The following SHOX variants were observed in gnomAD, a reference collection of about 807,000 sequenced individuals.
The protein encoded by SHOX is SHOX homeobox, also known as short stature homeobox protein.
Under a neutral mutation model 29.6 loss-of-function variants are expected in SHOX, and 12 were observed. That is an observed-to-expected ratio of 0.41 (90% CI 0.26 to 0.66). SHOX has a LOEUF of 0.66. Ranked by LOEUF, SHOX falls within the 30% of genes least tolerant of loss-of-function variation. The pLI is 0.35. For synonymous variants in SHOX, 214 were observed against 200.6 expected, an observed-to-expected ratio of 1.07 and a Z score of -0.57; for missense variants, 499 against 437.7, an observed-to-expected ratio of 1.14 and a Z score of -1.25.
Position 625,734 on chromosome X carries a change from C to T in SHOX, c.-433+1132C>T, listed in dbSNP as rs777750599. On this transcript the variant is annotated intron_variant, in intron 1 of 5. Transcript: ENST00000334060. ...ATCTCTGTCTCTCTCTCTCCTCTCT[C>T]TCTGTCTCTTTTTCTCTGTCTCTGT... 3.3e-4 allele frequency among the ~76,000 whole-genome samples: 49 copies of T among 148,218 alleles called. 2 individuals carry two copies. Among genetic ancestry groups the T allele is most frequent in the Admixed American group, 3.3e-3 (49 of 14,880 alleles).
At chrX:633,588 A>C (rs909513602) in intron 1 of SHOX, among the ~76,000 whole-genome samples, 4 of 152,080 alleles carry the variant, frequency 2.6e-5, no homozygotes, top group Non-Finnish European at 4.4e-5. Flanking sequence ...CAGCTTTGCA[A>C]GCTTCTTGGT....
rs1447553695 is a variant in SHOX, at chrX:644,449, A to C, written c.692A>C (p.His231Pro). The C allele has an allele frequency of 2.6e-6, 4 of 1,522,154 alleles. No homozygotes were observed. The highest frequency in any genetic ancestry group is 1.4e-5 in the African/African-American group (1 of 70,190). 94.3% of individuals were successfully genotyped at this position (1,522,154 alleles called of 1,614,324 possible). ...CACGCGCACCCGCACCTGCACCCGCACCTGGCGGCGCACGCGCCCTACCTG... is the reference window on the plus strand; with the variant it reads ...CACGCGCACCCGCACCTGCACCCGCCCCTGGCGGCGCACGCGCCCTACCTG... The part of the protein sequence containing the change: ...VAHAHPHLHP[H>P]LAAHAPYLMF... The change falls in exon 5 of 5, where the codon CAC (histidine) becomes CCC (proline). Residue 231 changes from histidine (H) to proline (P), a missense_variant. Coordinates refer to ENST00000686671, the MANE Select transcript of SHOX (RefSeq NM_000451.4).
intron 4 of SHOX, among the ~76,000 whole-genome samples, chrX:643,556 ACCCGGGAGAGGCTTGGGGACCTGGTGT>A (rs1229269250): frequency 5.5e-5 from 4 of 72,794 alleles, no homozygotes; most frequent in Non-Finnish European, 7.7e-5. Context: ...GGACCTAGTG[ACCCGGGAGAGGCTTGGGGACCTGGTGT>A]CCCGGGAGAG....
In SHOX at chrX:649,132, G is replaced by T. The variant is rs1335145654; in HGVS notation, c.*4496G>T. 6.6e-6 allele frequency among the ~76,000 whole-genome samples: 1 copy of T among 151,688 alleles called. No homozygotes were observed. The highest frequency in any genetic ancestry group is 1.5e-5 in the Non-Finnish European group (1 of 67,966). ...AGCTCACTGCATCCTCTACCTCCTG[G>T]CTTCAAGAAATTCTCCTGCCTCAGC... On this transcript the variant is annotated 3_prime_UTR_variant, in exon 5 of 5. Transcript: ENST00000686671.
Position 631,089 on chromosome X carries a change from C to T in SHOX, c.192C>T (p.Gly64=). 1 of 1,613,750 alleles carries T rather than the reference C, an allele frequency of 6.2e-7. No individual in the cohort carries two copies. Among genetic ancestry groups the T allele is most frequent in the Non-Finnish European group, 8.5e-7 (1 of 1,179,858 alleles). ...SSLQDITEGG[G]HCPVHLFKDH... Reference sequence around the variant, plus strand: ...TCCAGGACATCACGGAGGGCGGCGGCCACTGCCCGGTGCATTTGTTCAAGG... The same window carrying T: ...TCCAGGACATCACGGAGGGCGGCGGTCACTGCCCGGTGCATTTGTTCAAGG... The change falls in exon 1 of 5, where the codon GGC becomes GGT. Residue 64 remains glycine (G), a synonymous_variant. Transcript: ENST00000686671.
At chrX:630,309 C>A (rs1465684873), upstream of SHOX, among the ~76,000 whole-genome samples, 5 of 16,776 alleles carry the variant, frequency 3.0e-4, no homozygotes, top group Admixed American at 2.4e-3. Flanking sequence ...GCGCCCGGAT[C>A]CCCCCCTCGC....
Position 644,563 on chromosome X carries a change from G to T in SHOX, c.806G>T (p.Ser269Ile), listed in dbSNP as rs1282959443. 1.3e-6 allele frequency: 2 copies of T among 1,517,712 alleles called. No homozygotes were observed. The highest frequency in any genetic ancestry group is 1.8e-6 in the Non-Finnish European group (2 of 1,139,514). The allele number at this position is 1,517,712 out of a possible 1,614,324, so 94.0% of individuals were successfully genotyped here. A position where few individuals can be genotyped will look rare whatever the true frequency, so the allele number is the denominator to read the frequency against. ...GCCGTGGTCGCCGCCGCCGCCAAAAGCAACAGCAAGAATTCCAGCATCGCC... is the reference window on the plus strand; with the variant it reads ...GCCGTGGTCGCCGCCGCCGCCAAAATCAACAGCAAGAATTCCAGCATCGCC... ...AAAVVAAAAKSNSKNSSIADL... is the reference protein window; with the variant it reads ...AAAVVAAAAKINSKNSSIADL... The change falls in exon 5 of 5, where the codon AGC becomes ATC. Residue 269 changes from serine (S) to isoleucine (I), a missense_variant. Physicochemically the swap from Ser to Ile is moderately radical, Grantham distance 142. Coordinates refer to ENST00000686671, the MANE Select transcript of SHOX (RefSeq NM_000451.4).
At chrX:658,630 C>T (rs1171193442) in intron 5 of SHOX, among the ~76,000 whole-genome samples, 1 of 151,612 alleles carries the variant, frequency 6.6e-6, no homozygotes, top group African/African-American at 2.4e-5. Context: ...GCCACCGCGC[C>T]CGGCTAATTT....
At chrX:628,255 C>A (rs1319349429), upstream of SHOX, among the ~76,000 whole-genome samples, 4 of 103,172 alleles carry the variant, frequency 3.9e-5, no homozygotes, top group Non-Finnish European at 8.3e-5. Context: ...CAGTCTCTCC[C>A]TTTCTCTCTC....
At chrX:626,446 T>C (rs2052536610), upstream of SHOX, among the ~76,000 whole-genome samples, 1 of 129,752 alleles carries the variant, frequency 7.7e-6, no homozygotes, top group South Asian at 2.4e-4. Context: ...TCTCTCTTTT[T>C]CTCTTTCTCT....
rs753480876 is a variant in SHOX at position 640,893 on chromosome X, TG to T, written c.544+21del. On this transcript the variant is annotated intron_variant, in intron 3 of 4. Coordinates refer to ENST00000686671, the MANE Select transcript of SHOX (RefSeq NM_000451.4). ...GATGCATAAAGGTGGGTGTCGGGAC[TG>T]GGGGGACCTGAAGCTGGGGGATCCT... The T allele has an allele frequency of 8.1e-6, 13 of 1,613,678 alleles. No homozygotes were observed. Among genetic ancestry groups the T allele is most frequent in the Admixed American group, 1.7e-5 (1 of 59,978 alleles).
chrX:644,650 C>T lies in SHOX; in HGVS notation c.*14C>T, dbSNP rs1015656862. ...CTGGGGCTCTGACCCGCCGCGCAGC[C>T]CCCCGCGCGCCCGGACTCCCGGGCT... On this transcript the variant is annotated 3_prime_UTR_variant, in exon 5 of 5. Transcript: ENST00000686671. The T allele has an allele frequency of 1.9e-5, 28 of 1,442,966 alleles. No homozygotes were observed. The highest frequency in any genetic ancestry group is 2.8e-5 in the South Asian group (2 of 71,452). 89.4% of individuals were successfully genotyped at this position (1,442,966 alleles called of 1,614,324 possible). A position where few individuals can be genotyped will look rare whatever the true frequency, so the allele number is the denominator to read the frequency against.
Position 648,934 on chromosome X carries a change from C to CTTTG in SHOX, c.*4301_*4302insGTTT, listed in dbSNP as rs2053007279. ...TTTCTTTCTTTTTCTTTCTTTCTCT[C>CTTTG]TTTCTTTCTTTTCTTTCTTTCTGTT... On this transcript the variant is annotated 3_prime_UTR_variant, in exon 5 of 5. Coordinates refer to ENST00000686671, the MANE Select transcript of SHOX (RefSeq NM_000451.4). 9.1e-6 allele frequency among the ~76,000 whole-genome samples: 1 copy of CTTTG among 109,838 alleles called. No homozygotes were observed. The highest frequency in any genetic ancestry group is 2.1e-5 in the Non-Finnish European group (1 of 48,506). 72.1% of individuals were successfully genotyped at this position (109,838 alleles called of 152,430 possible). A position where few individuals can be genotyped will look rare whatever the true frequency, so the allele number is the denominator to read the frequency against.
Position 634,605 on chromosome X carries a change from G to C in SHOX, c.278-13G>C, listed in dbSNP as rs1171036941. On this transcript the variant is annotated splice_polypyrimidine_tract_variant and intron_variant, in intron 1 of 4. Coordinates refer to ENST00000686671, the MANE Select transcript of SHOX (RefSeq NM_000451.4). Reference sequence around the variant, plus strand: ...CCCCGGCCTCAGCCCTGTGCCCTCCGCTCCCCACGCAGGGATTTATGAATG... The same window carrying C: ...CCCCGGCCTCAGCCCTGTGCCCTCCCCTCCCCACGCAGGGATTTATGAATG... 16 of 1,612,624 alleles carry C rather than the reference G, an allele frequency of 9.9e-6. No individual in the cohort carries two copies. The highest frequency in any genetic ancestry group is 1.3e-5 in the Non-Finnish European group (15 of 1,179,690).
chrX:640,903 T>G, intron 3 of SHOX, 25 bp downstream of exon 3: 2 of 1,613,788 alleles, frequency 1.2e-6, no homozygotes, highest in African/African-American at 2.7e-5. Flanking sequence ...TGGGGGGACC[T>G]GAAGCTGGGG....
intron 5 of SHOX, among the ~76,000 whole-genome samples, chrX:658,533 C>T (rs1022045525): frequency 7.4e-5 from 11 of 148,648 alleles, no homozygotes; most frequent in East Asian, 2.0e-4. Flanking sequence ...TGCAGTGGCA[C>T]GATCTCCGCT....
chrX:641,974 G>C (rs2052861106), intron 4 of SHOX, among the ~76,000 whole-genome samples: 1 of 152,160 alleles, frequency 6.6e-6, no homozygotes. Flanking sequence ...CTCTGAGCTG[G>C]AGACACCCTA....
chrX:656,194 C>G (rs1338704153), downstream of SHOX, among the ~76,000 whole-genome samples: 3 of 151,848 alleles, frequency 2.0e-5, no homozygotes, highest in Non-Finnish European at 4.4e-5. Context: ...CCTGTAATCT[C>G]AGTACTCTGG....
At chrX:625,173 TC>T (rs2052499279) in intron 1 of SHOX, among the ~76,000 whole-genome samples, 1 of 124,080 alleles carries the variant, frequency 8.1e-6, no homozygotes, top group African/African-American at 3.0e-5. Context: ...TCCCCCATCC[TC>T]CCCCTTCATC....
Sources: allele counts gnomAD v4.1 joint callset (sites outside exome capture counted in the v4.1 genomes callset), GRCh38; gene constraint gnomAD v4.1.1; transcripts MANE v1.5; gene names NCBI Gene and HGNC (gene_info 2026-07-23, HGNC 2026-07-21).